Variants in ZNF721 observed in about 807,000 individuals in gnomAD.
ZNF721 encodes zinc finger protein 721.
ZNF721 carries 2 observed loss-of-function variants against 2.4 expected under a neutral mutation model. The ratio of observed to expected loss-of-function variants is 0.82; its 90% CI spans 0.34 to 2.58. The LOEUF is 2.58. Ranked by LOEUF, ZNF721 falls within the 30% of genes most tolerant of loss-of-function variation. The pLI, the probability that ZNF721 is intolerant of heterozygous loss-of-function variation, is 0.11. For missense variants in ZNF721, 1,187 were observed against 1,085.5 expected, an observed-to-expected ratio of 1.09 and a Z score of -1.31; for synonymous variants, 398 against 381.8, an observed-to-expected ratio of 1.04 and a Z score of -0.50.
intron 1 of ZNF721, among the ~76,000 whole-genome samples, chr4:489,302 T>TA (rs573630461): frequency 7.2e-4 from 109 of 152,264 alleles, no homozygotes; most frequent in African/African-American, 2.6e-3. Context: ...TCTTGCCACA[T>TA]AAAAGACCCA....
rs1201797912 is a variant in ZNF721 at position 442,943 on chromosome 4, T to C, written c.1524A>G (p.Lys508=). ...EKPFECLECG[K]AFTSSTTLTK... is the part of the protein sequence containing the mutation. ...TAAGGGTTGTGGAACTAGTAAACGC[T>C]TTACCACATTCTAAACATTCAAAGG... The change falls in exon 3 of 3, where the codon AAA becomes AAG. Residue 508 remains lysine, a synonymous_variant. Transcript: ENST00000511833. 1.2e-6 allele frequency: 2 copies of C among 1,613,814 alleles called. No individual in the cohort carries two copies. Among genetic ancestry groups the C allele is most frequent in the African/African-American group, 2.7e-5 (2 of 74,898 alleles).
chr4:443,707 A>G lies in ZNF721; in HGVS notation c.760T>C (p.Cys254Arg). The G allele has an allele frequency of 6.2e-7, 1 of 1,614,104 alleles. No homozygotes were observed. The highest frequency in any genetic ancestry group is 1.3e-5 in the African/African-American group (1 of 75,052). The change falls in exon 3 of 3, where the codon TGT becomes CGT. Residue 254 changes from cysteine (C) to arginine (R), a missense_variant. Physicochemically the swap from Cys to Arg is radical, Grantham distance 180. Transcript: ENST00000511833. ...TGEKPYKCKECGKVISSSSSF... is the reference protein window; with the variant it reads ...TGEKPYKCKERGKVISSSSSF... ...GAGGATGAGGAAATGACTTTGCCAC[A>G]TTCCTTACATTTGTAGGGTTTCTCT... is the stretch of plus-strand genomic sequence containing the variant.
At chr4:474,142 C>CA in intron 1 of ZNF721, 1 of 826,008 alleles carries the variant, frequency 1.2e-6, no homozygotes. Context: ...GCTGAAGCAA[C>CA]AGGCCAAGGC....
chr4:480,079 T>C (rs1410367554), intron 1 of ZNF721, among the ~76,000 whole-genome samples: 1 of 152,240 alleles, frequency 6.6e-6, no homozygotes, highest in African/African-American at 2.4e-5. Flanking sequence ...TTTGGAACTC[T>C]ACAGAAACAC....
rs568572543 is a variant in ZNF721 at position 491,234 on chromosome 4, T to G, written c.-94+7822A>C. On this transcript the variant is annotated intron_variant, in intron 1 of 2. Coordinates refer to ENST00000511833, the MANE Select transcript of ZNF721 (RefSeq NM_133474.4). Reference sequence around the variant, plus strand: ...CGAGGTCAGAAGTTCGAGACCAGCCTGGCCAACATAGTTAAAGCCCGTGTC... The same window carrying G: ...CGAGGTCAGAAGTTCGAGACCAGCCGGGCCAACATAGTTAAAGCCCGTGTC... Among the ~76,000 whole-genome samples the G allele has an allele frequency of 5.3e-5, 8 of 152,246 alleles. No homozygotes were observed. The South Asian group carries it at 1.2e-3, about 24-fold the overall frequency.
At chr4:460,244 C>T (rs1397300497) in intron 2 of ZNF721, among the ~76,000 whole-genome samples, 1 of 152,174 alleles carries the variant, frequency 6.6e-6, no homozygotes, top group Non-Finnish European at 1.5e-5. Flanking sequence ...AACAGTCTCT[C>T]AGACAACAGT....
At chr4:448,430 C>T (rs1388761381) in intron 2 of ZNF721, among the ~76,000 whole-genome samples, 3 of 143,274 alleles carry the variant, frequency 2.1e-5, no homozygotes, top group Non-Finnish European at 4.6e-5. Flanking sequence ...AGCAGGAATC[C>T]GTATCCCCCC....
rs1714325989 is a variant in ZNF721, at chr4:443,090, G to T, written c.1377C>A (p.His459Gln). The change falls in exon 3 of 3, where the codon CAC (histidine) becomes CAA (glutamine). Residue 459 changes from histidine to glutamine, a missense_variant. Coordinates refer to ENST00000511833, the MANE Select transcript of ZNF721 (RefSeq NM_133474.4). ...ECGKAFIHSL[H>Q]LNKHEKIHTG... Reference sequence around the variant, plus strand: ...TATGAATTTTCTCATGTTTATTCAGGTGCAAGGAATGTATAAAGGCTTTCC... The same window carrying T: ...TATGAATTTTCTCATGTTTATTCAGTTGCAAGGAATGTATAAAGGCTTTCC... 6.2e-7 allele frequency: 1 copy of T among 1,613,846 alleles called. No individual in the cohort carries two copies.
intron 2 of ZNF721, among the ~76,000 whole-genome samples, chr4:458,206 T>A (rs782063750): frequency 6.6e-6 from 1 of 152,254 alleles, no homozygotes; most frequent in Non-Finnish European, 1.5e-5. Flanking sequence ...GCCAGTCATA[T>A]TGATCAACAT....
Position 442,960 on chromosome 4 carries a change from A to T in ZNF721, c.1507T>A (p.Cys503Ser). The change falls in exon 3 of 3, where the codon TGT becomes AGT. Residue 503 changes from cysteine to serine, a missense_variant. Coordinates refer to ENST00000511833, the MANE Select transcript of ZNF721 (RefSeq NM_133474.4). ...RIHTGEKPFE[C>S]LECGKAFTSS... ...GTAAACGCTTTACCACATTCTAAAC[A>T]TTCAAAGGGTTTCTCGCCAGTATGA... is the stretch of plus-strand genomic sequence containing the variant. The T allele has an allele frequency of 6.2e-7, 1 of 1,613,946 alleles. No individual in the cohort carries two copies. The highest frequency in any genetic ancestry group is 1.3e-5 in the African/African-American group (1 of 75,030).
At chr4:479,666 C>T (rs1163352039) in intron 1 of ZNF721, among the ~76,000 whole-genome samples, 3 of 152,154 alleles carry the variant, frequency 2.0e-5, no homozygotes, top group Non-Finnish European at 2.9e-5. Flanking sequence ...GGGGCCTACA[C>T]CGGAGCCTGC....
intron 1 of ZNF721, among the ~76,000 whole-genome samples, chr4:487,726 A>G (rs1715931889): frequency 1.3e-5 from 2 of 152,196 alleles, no homozygotes; most frequent in South Asian, 4.1e-4. Flanking sequence ...GTGAGGCAGG[A>G]GAATAGGGTC....
At chr4:466,367 A>C (rs1241753399) in intron 2 of ZNF721, among the ~76,000 whole-genome samples, 6 of 152,162 alleles carry the variant, frequency 3.9e-5, no homozygotes, top group African/African-American at 1.2e-4. Context: ...AATTTAAGAA[A>C]TCAAACTCCC....
intron 2 of ZNF721, among the ~76,000 whole-genome samples, chr4:452,401 A>G (rs797034834): frequency 1.3e-5 from 2 of 152,208 alleles, no homozygotes; most frequent in East Asian, 3.8e-4. Context: ...CCCTACCACT[A>G]AAAAGGAGGC....
chr4:494,491 T>C (rs1186491822), intron 1 of ZNF721, among the ~76,000 whole-genome samples: 1 of 152,122 alleles, frequency 6.6e-6, no homozygotes, highest in Non-Finnish European at 1.5e-5. Context: ...TGGCTGGAAG[T>C]ACATCTTATA....
chr4:471,013 A>AG (rs201146883), intron 2 of ZNF721, among the ~76,000 whole-genome samples: 3 of 151,920 alleles, frequency 2.0e-5, no homozygotes, highest in African/African-American at 4.8e-5. Flanking sequence ...AAAAAAAAAA[A>AG]GAAGTTAATA....
chr4:470,760 C>A (rs1715406396), intron 2 of ZNF721, among the ~76,000 whole-genome samples: 1 of 151,994 alleles, frequency 6.6e-6, no homozygotes, highest in Non-Finnish European at 1.5e-5. Context: ...CAGCAGCTCA[C>A]ACCTGTAATT....
At chr4:481,018 C>T (rs1553869385) in intron 1 of ZNF721, among the ~76,000 whole-genome samples, 1 of 152,106 alleles carries the variant, frequency 6.6e-6, no homozygotes. Flanking sequence ...ACATCCTGGG[C>T]TCAAACAATC....
intron 1 of ZNF721, among the ~76,000 whole-genome samples, chr4:477,601 C>T (rs560224169): frequency 5.5e-4 from 83 of 152,022 alleles, no homozygotes; most frequent in Middle Eastern, 3.4e-3. Context: ...CCCCTAGACT[C>T]GAAGATTTTT....
Sources: allele counts gnomAD v4.1 joint callset (sites outside exome capture counted in the v4.1 genomes callset), GRCh38; gene constraint gnomAD v4.1.1; transcripts MANE v1.5; gene names NCBI Gene and HGNC (gene_info 2026-07-23, HGNC 2026-07-21).